The following SAMD12 variants were observed in gnomAD, a reference collection of about 807,000 sequenced individuals.
SAMD12 encodes sterile alpha motif domain-containing protein 12.
A neutral mutation model predicts 15.0 loss-of-function variants in SAMD12; 9 were observed. The observed-to-expected ratio is 0.60, with a 90% confidence interval of 0.36 to 1.05. The LOEUF is 1.05. Among genes scored for constraint, SAMD12 ranks in the 50% least tolerant of loss-of-function variants. The pLI is 0.01. For synonymous variants in SAMD12, 86 were observed against 90.1 expected (o/e 0.96, Z 0.25); for missense variants, 230 against 234.2 (o/e 0.98, Z 0.12).
chr8:118,537,407 T>A, intron 2 of SAMD12, among the ~76,000 whole-genome samples: 1 of 152,230 alleles, frequency 6.6e-6, no homozygotes, highest in East Asian at 1.9e-4. Context: ...GCAATAACTC[T>A]TAGATTTGCC....
At chr8:118,506,953 G>A (rs1824937291) in intron 2 of SAMD12, among the ~76,000 whole-genome samples, 1 of 151,990 alleles carries the variant, frequency 6.6e-6, no homozygotes, top group African/African-American at 2.4e-5. Flanking sequence ...GGGTATGGTG[G>A]TCATAAATAA....
intron 4 of SAMD12, among the ~76,000 whole-genome samples, chr8:118,297,619 A>T (rs1360236212): frequency 2.0e-5 from 3 of 152,172 alleles, no homozygotes; most frequent in South Asian, 2.1e-4. Flanking sequence ...GATTAAAAAA[A>T]TTTTTTTGGT....
intron 2 of SAMD12, among the ~76,000 whole-genome samples, chr8:118,576,171 T>C (rs1255178602): frequency 1.3e-5 from 2 of 152,202 alleles, no homozygotes; most frequent in Non-Finnish European, 2.9e-5. Context: ...TCATGTTCTA[T>C]GTCCACATTG....
intron 4 of SAMD12, among the ~76,000 whole-genome samples, chr8:118,353,844 G>C (rs1439740257): frequency 6.6e-6 from 1 of 152,108 alleles, no homozygotes; most frequent in Non-Finnish European, 1.5e-5. Flanking sequence ...TAGCCAGTGA[G>C]TGGTATCAGT....
intron 4 of SAMD12, among the ~76,000 whole-genome samples, chr8:118,256,806 ACACACACACACACACG>A (rs1812951299): frequency 1.3e-5 from 2 of 151,254 alleles, no homozygotes; most frequent in South Asian, 4.2e-4. Flanking sequence ...ACACACACAC[ACACACACACACACACG>A]CACACATTCT....
chr8:118,193,460 A>G (rs2129740035), exon 5 of SAMD12: 1 of 152,328 alleles, frequency 6.6e-6, no homozygotes, highest in Non-Finnish European at 1.5e-5. Context: ...TTCAGATCTA[A>G]AAAGACTAAG....
At chr8:118,304,517 T>C (rs903403089) in intron 4 of SAMD12, among the ~76,000 whole-genome samples, 1 of 152,082 alleles carries the variant, frequency 6.6e-6, no homozygotes, top group Non-Finnish European at 1.5e-5. Context: ...TCGCAGCACT[T>C]TGGAGGCTGA....
the SAMD12 span, among the ~76,000 whole-genome samples, chr8:118,184,178 A>G: frequency 7.0e-6 from 1 of 142,776 alleles, no homozygotes; most frequent in Non-Finnish European, 1.5e-5. Context: ...AAAAAAAAAT[A>G]TATAAAACCG....
chr8:118,440,390 CTAA>C (rs1280454989), intron 2 of SAMD12, among the ~76,000 whole-genome samples: 22 of 152,176 alleles, frequency 1.4e-4, no homozygotes, highest in Admixed American at 5.2e-4. Context: ...CCAGGAAGTG[CTAA>C]TAATATTTTT....
At chr8:118,257,949 A>G (rs1156776715) in intron 4 of SAMD12, among the ~76,000 whole-genome samples, 1 of 152,064 alleles carries the variant, frequency 6.6e-6, no homozygotes, top group Non-Finnish European at 1.5e-5. Flanking sequence ...ATGTTCCACT[A>G]CAGGTTGCTT....
intron 3 of SAMD12, among the ~76,000 whole-genome samples, chr8:118,382,588 C>T (rs914202625): frequency 6.6e-6 from 1 of 152,072 alleles, no homozygotes; most frequent in African/African-American, 2.4e-5. Context: ...ATTCATTTTC[C>T]GACTGTGTGA....
chr8:118,246,194 A>C (rs1812685808), intron 4 of SAMD12, among the ~76,000 whole-genome samples: 1 of 152,148 alleles, frequency 6.6e-6, no homozygotes, highest in Non-Finnish European at 1.5e-5. Context: ...AGTGGCCTCC[A>C]AAGTATCTGT....
intron 2 of SAMD12, among the ~76,000 whole-genome samples, chr8:118,515,930 A>G (rs1198824097): frequency 6.6e-6 from 1 of 152,356 alleles, no homozygotes; most frequent in Non-Finnish European, 1.5e-5. Flanking sequence ...CCCTGAAGCT[A>G]TTTAAATGAT....
intron 4 of SAMD12, among the ~76,000 whole-genome samples, chr8:118,321,747 C>T (rs1816295878): frequency 6.6e-6 from 1 of 152,108 alleles, no homozygotes; most frequent in African/African-American, 2.4e-5. Context: ...AAATCCTGGC[C>T]TTCCTATTTA....
At chr8:118,219,755 C>G (rs1254205174) in intron 4 of SAMD12, among the ~76,000 whole-genome samples, 17 of 152,184 alleles carry the variant, frequency 1.1e-4, no homozygotes, top group Admixed American at 1.1e-3. Flanking sequence ...CCATCCCTGC[C>G]AAGGCACCAG....
chr8:118,201,925 C>T (rs11562743), intron 4 of SAMD12, among the ~76,000 whole-genome samples: 79,607 of 152,082 alleles, frequency 0.52, 22,196 homozygotes, highest in Non-Finnish European at 0.62. Flanking sequence ...ATATTTAGCC[C>T]TATGGCTTCA....
At chr8:118,456,252 G>T (rs1823247055) in intron 2 of SAMD12, among the ~76,000 whole-genome samples, 1 of 152,132 alleles carries the variant, frequency 6.6e-6, no homozygotes, top group African/African-American at 2.4e-5. Context: ...TTTCTCAGAT[G>T]TTCTTGTGGC....
chr8:118,279,049 G>GTATAAAT (rs1813541471), intron 4 of SAMD12, among the ~76,000 whole-genome samples: 6 of 152,014 alleles, frequency 3.9e-5, no homozygotes, highest in Admixed American at 3.9e-4. Flanking sequence ...ATATAATCTG[G>GTATAAAT]GCATTCAGGA....
At chr8:118,474,970 G>T (rs1238351833) in intron 2 of SAMD12, among the ~76,000 whole-genome samples, 1 of 152,164 alleles carries the variant, frequency 6.6e-6, no homozygotes, top group Non-Finnish European at 1.5e-5. Context: ...TGGGCATGGT[G>T]TCTCACACCT....
Sources: allele counts gnomAD v4.1 joint callset (sites outside exome capture counted in the v4.1 genomes callset), GRCh38; gene constraint gnomAD v4.1.1; transcripts MANE v1.5; gene names NCBI Gene and HGNC (gene_info 2026-07-23, HGNC 2026-07-21).